CCDC169: variants seen among roughly 807,000 people sequenced by gnomAD.
CCDC169 encodes the protein coiled-coil domain containing 169, also known as coiled-coil domain-containing protein 169.
In CCDC169, 30 loss-of-function variants were observed where a neutral mutation model predicts 36.0. That is an observed-to-expected ratio of 0.83 (90% confidence interval 0.62 to 1.13). The LOEUF (loss-of-function observed/expected upper bound fraction) is 1.13, where lower values mean the gene tolerates loss of function less well. Ranked by LOEUF, CCDC169 falls within the 50% of genes most tolerant of loss-of-function variation. The pLI is 0.00. For missense variants in CCDC169, 245 were observed against 245.9 expected, an observed-to-expected ratio of 1.00 and a Z score of 0.03; for synonymous variants, 85 against 81.5, an observed-to-expected ratio of 1.04 and a Z score of -0.23.
intron 7 of CCDC169, among the ~76,000 whole-genome samples, chr13:36,243,298 G>A (rs997502606): frequency 6.6e-6 from 1 of 152,104 alleles, no homozygotes; most frequent in African/African-American, 2.4e-5. Context: ...TCAGGAGTTC[G>A]AGACCAGCCT....
intron 4 of CCDC169, among the ~76,000 whole-genome samples, chr13:36,259,973 G>A (rs1874416540): frequency 6.6e-6 from 1 of 152,230 alleles, no homozygotes; most frequent in African/African-American, 2.4e-5. Flanking sequence ...CTTCGGGCAT[G>A]GCCTGCTCCA....
At chr13:36,232,781 C>G (rs1269369428) in intron 7 of CCDC169, among the ~76,000 whole-genome samples, 1 of 152,030 alleles carries the variant, frequency 6.6e-6, no homozygotes, top group Non-Finnish European at 1.5e-5. Context: ...TGCCTATAAT[C>G]TCAGCTAGTT....
chr13:36,265,498 G>A (rs914382409), intron 4 of CCDC169, among the ~76,000 whole-genome samples: 7 of 152,354 alleles, frequency 4.6e-5, no homozygotes, highest in Non-Finnish European at 1.0e-4. Flanking sequence ...AATTGTTTAA[G>A]TCTGCAGTAG....
Position 36,295,959 on chromosome 13 carries a change from A to T in CCDC169, c.84-102T>A, listed in dbSNP as rs1879426641. The T allele has an allele frequency of 7.6e-6, 5 of 655,398 alleles. No individual in the cohort carries two copies. In the South Asian group the frequency reaches 1.1e-4, roughly 14 times the overall value. 40.6% of individuals were successfully genotyped at this position (655,398 alleles called of 1,614,324 possible). On this transcript the variant is annotated intron_variant, in intron 1 of 7. Coordinates refer to ENST00000239859, the MANE Select transcript of CCDC169 (RefSeq NM_001144981.3). ...ACTACTTCAGGAACAATTTACTATG[A>T]CACATTATTTACTGAAGGACTGGTT...
chr13:36,231,309 T>C lies in CCDC169; in HGVS notation c.546-17A>G, dbSNP rs1870396746. ...TATCTTCCACTGAAATAAATAAGTG[T>C]TAATCATAATTTTTCAGTCACCATT... On this transcript the variant is annotated splice_polypyrimidine_tract_variant and intron_variant, in intron 7 of 7. Transcript: ENST00000239859. 1.3e-6 allele frequency: 2 copies of C among 1,549,944 alleles called. No individual in the cohort carries two copies. Among genetic ancestry groups the C allele is most frequent in the East Asian group, 4.9e-5 (2 of 40,870 alleles).
At chr13:36,295,753 C>T in intron 2 of CCDC169, 25 bp downstream of exon 2, 2 of 1,245,078 alleles carry the variant, frequency 1.6e-6, no homozygotes, top group Non-Finnish European at 2.3e-6. Context: ...ACAGGAGTCA[C>T]AAATATAAGT....
At chr13:36,240,189 T>C (rs899066402) in intron 7 of CCDC169, among the ~76,000 whole-genome samples, 1 of 152,060 alleles carries the variant, frequency 6.6e-6, no homozygotes. Context: ...AGTTACACAG[T>C]ATTTATACTG....
intron 7 of CCDC169, chr13:36,240,453 CAG>C (rs1178486637): frequency 7.0e-6 from 2 of 285,976 alleles, no homozygotes; most frequent in Non-Finnish European, 1.3e-5. Context: ...CTAATATCAA[CAG>C]AGTTATTGAC....
intron 4 of CCDC169, among the ~76,000 whole-genome samples, chr13:36,256,812 T>C (rs145281888): frequency 7.5e-4 from 115 of 152,338 alleles, no homozygotes; most frequent in African/African-American, 2.7e-3. Flanking sequence ...TCTCACTGCA[T>C]GTCATCTCCT....
intron 2 of CCDC169, among the ~76,000 whole-genome samples, chr13:36,290,519 G>T (rs1878747858): frequency 6.6e-6 from 1 of 152,024 alleles, no homozygotes; most frequent in South Asian, 2.1e-4. Context: ...AGGCCCAGGG[G>T]CTATCGCAGA....
intron 7 of CCDC169, among the ~76,000 whole-genome samples, chr13:36,232,685 G>A (rs1161710091): frequency 4.7e-5 from 3 of 64,068 alleles, no homozygotes; most frequent in Non-Finnish European, 8.6e-5. Flanking sequence ...TCCGCAGTCC[G>A]GCCTGGGCGA....
In CCDC169 at chr13:36,274,235, A is replaced by G. The variant is rs370630738; in HGVS notation, c.315+9234T>C. On this transcript the variant is annotated intron_variant, in intron 4 of 7. Coordinates refer to ENST00000239859, the MANE Select transcript of CCDC169 (RefSeq NM_001144981.3). ...TTATAGATTTTGCAAAAACGACAGC[A>G]ATCATGAAGTAACCTGGACCATTAA... is the stretch of plus-strand genomic sequence containing the variant. The G allele has an allele frequency of 2.6e-5, 4 of 152,348 alleles. No individual in the cohort carries two copies. In the South Asian group the frequency reaches 6.2e-4, roughly 24 times the overall value. 9.4% of individuals were successfully genotyped at this position (152,348 alleles called of 1,614,324 possible). A position where few individuals can be genotyped will look rare whatever the true frequency, so the allele number is the denominator to read the frequency against.
At chr13:36,294,882 G>A (rs571239414) in intron 2 of CCDC169, among the ~76,000 whole-genome samples, 16 of 152,240 alleles carry the variant, frequency 1.1e-4, no homozygotes, top group East Asian at 7.7e-4. Flanking sequence ...TAACATAACC[G>A]ATTAGGTTGG....
chr13:36,282,085 T>C (rs114118880), intron 4 of CCDC169, among the ~76,000 whole-genome samples: 98 of 152,020 alleles, frequency 6.4e-4, no homozygotes, highest in African/African-American at 2.1e-3. Context: ...TTTGAAATTA[T>C]TCAAAATTAG....
intron 4 of CCDC169, among the ~76,000 whole-genome samples, chr13:36,276,884 A>G (rs964450568): frequency 6.6e-6 from 1 of 152,140 alleles, no homozygotes; most frequent in Admixed American, 6.5e-5. Flanking sequence ...TCTGTAATAG[A>G]GCCTATTGTG....
intron 2 of CCDC169, 100 bp downstream of exon 2, chr13:36,295,678 T>G: frequency 3.5e-6 from 2 of 574,706 alleles, no homozygotes; most frequent in Non-Finnish European, 5.9e-6. Context: ...GAAATGTTGG[T>G]ACTATTATTC....
chr13:36,226,154 T>C (rs1276756196), downstream of CCDC169: 1 of 152,148 alleles, frequency 6.6e-6, no homozygotes, highest in African/African-American at 2.4e-5. Flanking sequence ...CGCAGCACTA[T>C]TCACAATAGT....
At chr13:36,285,809 A>G (rs980057596) in intron 2 of CCDC169, among the ~76,000 whole-genome samples, 2 of 152,274 alleles carry the variant, frequency 1.3e-5, no homozygotes, top group Non-Finnish European at 2.9e-5. Flanking sequence ...GATAGACACC[A>G]AAACAAGACA....
intron 4 of CCDC169, among the ~76,000 whole-genome samples, chr13:36,259,176 G>A (rs1874302133): frequency 6.6e-6 from 1 of 152,160 alleles, no homozygotes; most frequent in African/African-American, 2.4e-5. Flanking sequence ...AGTGAGGGCC[G>A]AGAGCAGGAT....
Sources: gnomAD v4.1 joint callset for allele counts (sites outside exome capture counted in the v4.1 genomes callset) on GRCh38, gnomAD v4.1.1 for gene constraint, MANE v1.5 for transcripts, NCBI Gene and HGNC (gene_info 2026-07-23, HGNC 2026-07-21) for gene names.